RETREG1: variants seen among roughly 807,000 people sequenced by gnomAD.
RETREG1 encodes the protein reticulophagy regulator 1, also known as family with sequence similarity 134 member B.
RETREG1 carries 44 observed loss-of-function variants against 54.8 expected under a neutral mutation model. The ratio of observed to expected loss-of-function variants is 0.80; its 90% CI spans 0.63 to 1.03. RETREG1 has a LOEUF of 1.03. Ranked by LOEUF, RETREG1 falls within the 50% of genes least tolerant of loss-of-function variation. The pLI, the probability that RETREG1 is intolerant of heterozygous loss-of-function variation, is 0.00. For synonymous variants in RETREG1, 217 were observed against 238.5 expected, an observed-to-expected ratio of 0.91 and a Z score of 0.83; for missense variants, 554 against 605.1, an observed-to-expected ratio of 0.92 and a Z score of 0.89.
intron 3 of RETREG1, among the ~76,000 whole-genome samples, chr5:16,542,350 T>G (rs1741273814): frequency 6.6e-6 from 1 of 152,270 alleles, no homozygotes; most frequent in Non-Finnish European, 1.5e-5. Flanking sequence ...ACAGCATGTA[T>G]GTGTGTCATT....
chr5:16,505,200 T>A (rs556339381), intron 3 of RETREG1, among the ~76,000 whole-genome samples: 1 of 152,282 alleles, frequency 6.6e-6, no homozygotes, highest in African/African-American at 2.4e-5. Context: ...AAATTCCAGT[T>A]GTACGGACTC....
chr5:16,480,034 T>C (rs184474401), intron 5 of RETREG1, among the ~76,000 whole-genome samples: 111 of 152,132 alleles, frequency 7.3e-4, no homozygotes, highest in Non-Finnish European at 7.7e-4. Flanking sequence ...TTTTGACATA[T>C]GCATACAACT....
chr5:16,518,193 A>G (rs1740421055), intron 3 of RETREG1, among the ~76,000 whole-genome samples: 1 of 148,106 alleles, frequency 6.8e-6, no homozygotes, highest in African/African-American at 2.4e-5. Context: ...GTGATTATAT[A>G]TAAATGTAAT....
chr5:16,503,115 G>A (rs1739782664), intron 3 of RETREG1, among the ~76,000 whole-genome samples: 1 of 152,194 alleles, frequency 6.6e-6, no homozygotes, highest in Non-Finnish European at 1.5e-5. Context: ...AGCTTTCACA[G>A]GGGCGTGATT....
chr5:16,482,410 A>G (rs114097015), intron 4 of RETREG1, among the ~76,000 whole-genome samples: 4,629 of 151,924 alleles, frequency 0.03, 245 homozygotes, highest in African/African-American at 0.1. Context: ...TAAAATCAAC[A>G]TCAACAGCAC....
At chr5:16,500,934 G>C (rs1370325992) in intron 3 of RETREG1, among the ~76,000 whole-genome samples, 2 of 152,066 alleles carry the variant, frequency 1.3e-5, no homozygotes, top group Admixed American at 6.6e-5. Context: ...ACCCCCTAGA[G>C]GAGACTACCA....
intron 3 of RETREG1, among the ~76,000 whole-genome samples, chr5:16,503,871 C>A (rs1262981025): frequency 6.6e-6 from 1 of 150,584 alleles, no homozygotes; most frequent in Non-Finnish European, 1.5e-5. Context: ...TATTTTGATT[C>A]TCTTTCCAGC....
At chr5:16,503,687 GAA>G (rs1739824414) in intron 3 of RETREG1, among the ~76,000 whole-genome samples, 2 of 140,820 alleles carry the variant, frequency 1.4e-5, no homozygotes, top group South Asian at 4.5e-4. Flanking sequence ...AAGAAAGAAA[GAA>G]AGAAAAGAAA....
At position 16,481,031 on chromosome 5, in the gene RETREG1, C is replaced by A; in HGVS notation, c.648G>T (p.Gly216=). ...TACACAGTAGATAGCTGAGTATAAC[C>A]CCAGGAATGTAACTTCCCAAGATCG... ...FFTILGSYIP[G]VILSYLLLLC... The change falls in exon 5 of 9, where the codon GGG becomes GGT. Residue 216 remains glycine (G), a synonymous_variant. Transcript: ENST00000306320. 1 of 1,611,496 alleles carries A rather than the reference C, an allele frequency of 6.2e-7. No individual in the cohort carries two copies. Among genetic ancestry groups the A allele is most frequent in the Non-Finnish European group, 8.5e-7 (1 of 1,178,144 alleles).
intron 3 of RETREG1, among the ~76,000 whole-genome samples, chr5:16,515,958 G>T (rs1740340123): frequency 6.6e-6 from 1 of 151,684 alleles, no homozygotes. Context: ...AAACATATAT[G>T]ATGACCCTGA....
At chr5:16,590,492 A>G (rs981388202) in intron 1 of RETREG1, among the ~76,000 whole-genome samples, 4 of 152,206 alleles carry the variant, frequency 2.6e-5, no homozygotes, top group Admixed American at 1.3e-4. Context: ...AATAGCACAA[A>G]CAAGTAGTAA....
rs551169278 is a variant in RETREG1, at chr5:16,594,023, C to G, written c.321-21921G>C. Among the ~76,000 whole-genome samples the G allele has an allele frequency of 1.3e-4, 20 of 152,204 alleles. 1 individual carries two copies. The highest frequency in any genetic ancestry group is 3.3e-4 in the Admixed American group (5 of 15,280). ...CATGATTGGTTCTTTGGCCAACACC[C>G]ACTGTTTTTCAATGTCACAGGCCCA... On this transcript the variant is annotated intron_variant, in intron 1 of 8. Coordinates refer to ENST00000306320, the MANE Select transcript of RETREG1 (RefSeq NM_001034850.3). This position sits in a 1 kb window ranked among gnomAD's most constrained non-coding sequence, Gnocchi z 4.4.
chr5:16,481,572 G>A (rs531076814), intron 4 of RETREG1, among the ~76,000 whole-genome samples: 8 of 152,024 alleles, frequency 5.3e-5, no homozygotes, highest in African/African-American at 1.9e-4. Context: ...CAAATCTAAC[G>A]TAATTTACAC....
intron 3 of RETREG1, among the ~76,000 whole-genome samples, chr5:16,511,223 G>C (rs751510466): frequency 1.3e-5 from 2 of 152,104 alleles, no homozygotes; most frequent in Non-Finnish European, 2.9e-5. Flanking sequence ...ATCTTTTTCT[G>C]GGCTAGCGAC....
chr5:16,543,661 G>A (rs751256363), intron 3 of RETREG1, among the ~76,000 whole-genome samples: 15 of 147,604 alleles, frequency 1.0e-4, no homozygotes, highest in Non-Finnish European at 2.1e-4. Flanking sequence ...GGGCGACAGG[G>A]AGAGACAACA....
At chr5:16,499,678 G>C (rs942618102) in intron 3 of RETREG1, among the ~76,000 whole-genome samples, 2 of 152,180 alleles carry the variant, frequency 1.3e-5, no homozygotes. Context: ...ATTACCATGC[G>C]ACACTCATTC....
chr5:16,531,634 G>A (rs894877221), intron 3 of RETREG1, among the ~76,000 whole-genome samples: 12 of 152,076 alleles, frequency 7.9e-5, no homozygotes, highest in Non-Finnish European at 1.8e-4. Context: ...CCAGGGAAGG[G>A]GTGCCTCTGT....
intron 3 of RETREG1, among the ~76,000 whole-genome samples, chr5:16,554,375 G>A (rs1480516922): frequency 2.6e-5 from 4 of 152,164 alleles, no homozygotes; most frequent in Admixed American, 2.6e-4. Flanking sequence ...CTCCACAGCA[G>A]CTTGGGAGCC....
At position 16,497,583 on chromosome 5, in the gene RETREG1, CG is replaced by C. The variant is rs1349654750; in HGVS notation, c.459-14112del. Among the ~76,000 whole-genome samples the C allele has an allele frequency of 2.0e-5, 3 of 152,110 alleles. No homozygotes were observed. In the East Asian group the frequency reaches 5.8e-4, roughly 29 times the overall value. On this transcript the variant is annotated intron_variant, in intron 3 of 8. Coordinates refer to ENST00000306320, the MANE Select transcript of RETREG1 (RefSeq NM_001034850.3). ...TACAACATTGGTAACTAACAGGGGTCGGGGGCAGATAAAACTCAAGGTCACA... is the reference window on the plus strand; with the variant it reads ...TACAACATTGGTAACTAACAGGGGTCGGGGCAGATAAAACTCAAGGTCACA...
Sources: allele counts gnomAD v4.1 joint callset (sites outside exome capture counted in the v4.1 genomes callset), GRCh38; gene constraint gnomAD v4.1.1; non-coding constraint Gnocchi (gnomAD v3.1); transcripts MANE v1.5; gene names NCBI Gene and HGNC (gene_info 2026-07-23, HGNC 2026-07-21).